The following ADAM7 variants were observed in gnomAD, a reference collection of about 807,000 sequenced individuals.
ADAM7 encodes the protein disintegrin and metalloproteinase domain-containing protein 7.
In ADAM7, 97 loss-of-function variants were observed where a neutral mutation model predicts 102.9. That is an observed-to-expected ratio of 0.94 (90% CI 0.80 to 1.12). The LOEUF (loss-of-function observed/expected upper bound fraction) is 1.12, where lower values mean the gene tolerates loss of function less well. Among genes scored for constraint, ADAM7 ranks in the 50% most tolerant of loss-of-function variants. The pLI is 0.00. For missense variants in ADAM7, 991 were observed against 908.7 expected, an observed-to-expected ratio of 1.09 and a Z score of -1.16; for synonymous variants, 334 against 304.4, an observed-to-expected ratio of 1.10 and a Z score of -1.01.
chr8:24,489,816 T>A (rs1056388220), intron 12 of ADAM7, among the ~76,000 whole-genome samples: 1 of 152,230 alleles, frequency 6.6e-6, no homozygotes, highest in Non-Finnish European at 1.5e-5. Flanking sequence ...CTCTGGAACA[T>A]TTAGGAAAAG....
intron 3 of ADAM7, among the ~76,000 whole-genome samples, chr8:24,455,138 T>C (rs1301514390): frequency 2.0e-5 from 3 of 152,050 alleles, no homozygotes; most frequent in Non-Finnish European, 2.9e-5. Flanking sequence ...TCCCAAAAAG[T>C]TTACTATGAT....
Position 24,499,244 on chromosome 8 carries a change from C to T in ADAM7, c.1851C>T (p.Asn617=). Residue 617 remains asparagine, a synonymous_variant, in exon 17 of 22, where the codon AAC becomes AAT. Transcript: ENST00000175238. ...GGTTACTTCATTTCTAGGTGTGCAA[C>T]AATGGTGAATGTCTAAACATGGAAA... ...GTKCGEGMVC[N]NGECLNMEKV... 6.3e-7 allele frequency: 1 copy of T among 1,593,178 alleles called. No homozygotes were observed. Among genetic ancestry groups the T allele is most frequent in the Non-Finnish European group, 8.5e-7 (1 of 1,171,318 alleles).
chr8:24,449,052 T>C (rs1340514860), intron 3 of ADAM7, among the ~76,000 whole-genome samples: 2 of 152,228 alleles, frequency 1.3e-5, no homozygotes, highest in African/African-American at 4.8e-5. Flanking sequence ...CAGTCTATTA[T>C]TGTTGGACAT....
intron 5 of ADAM7, among the ~76,000 whole-genome samples, chr8:24,466,342 T>C (rs948905429): frequency 1.3e-5 from 2 of 152,234 alleles, no homozygotes; most frequent in African/African-American, 4.8e-5. Context: ...GTTCTGTCTT[T>C]AATTACGGGA....
intron 7 of ADAM7, 130 bp downstream of exon 7, chr8:24,468,950 C>T: frequency 1.3e-6 from 1 of 788,536 alleles, no homozygotes; most frequent in African/African-American, 1.8e-5. Flanking sequence ...TTTAGCTTCC[C>T]AAAACAGACA....
At chr8:24,474,638 CCCAG>C (rs1819710221) in intron 7 of ADAM7, among the ~76,000 whole-genome samples, 1 of 152,038 alleles carries the variant, frequency 6.6e-6, no homozygotes, top group African/African-American at 2.4e-5. Context: ...CACCTGTAAA[CCCAG>C]CACTTTGAGA....
At chr8:24,446,969 A>G (rs1053320922) in intron 2 of ADAM7, among the ~76,000 whole-genome samples, 13 of 151,012 alleles carry the variant, frequency 8.6e-5, no homozygotes, top group Non-Finnish European at 1.6e-4. Context: ...ATATAACTAG[A>G]AGAAATCTAG....
intron 19 of ADAM7, 37 bp downstream of exon 19, chr8:24,500,932 T>C: frequency 2.0e-6 from 3 of 1,517,668 alleles, no homozygotes; most frequent in Non-Finnish European, 2.7e-6. Context: ...AAGAAGGGAA[T>C]TGTTACTGAG....
In ADAM7 at chr8:24,492,501, TAG is replaced by T. The variant is rs536312477; in HGVS notation, c.1564_1565del (p.His523Ter). The T allele has an allele frequency of 3.6e-4, 586 of 1,606,298 alleles. 3 individuals are homozygous for T. In the African/African-American group the frequency reaches 5.9e-3, roughly 16 times the overall value. Reference sequence around the variant, plus strand: ...ATACCATTTTTTACCCCAGAGGCAATAGAGAGTCATGATATCTGCTACAAGAT... The same window carrying T: ...ATACCATTTTTTACCCCAGAGGCAATAGAGTCATGATATCTGCTACAAGAT... On this transcript the variant is annotated frameshift_variant, in exon 15 of 22. Coordinates refer to ENST00000175238, the MANE Select transcript of ADAM7 (RefSeq NM_003817.4). LOFTEE classifies it high-confidence loss of function.
rs143839830 is a variant in ADAM7, at chr8:24,500,838, G to T, written c.2051G>T (p.Gly684Val). The change falls in exon 19 of 22, where the codon GGA becomes GTA. Residue 684 changes from glycine to valine, a missense_variant. By Grantham distance (109) the Gly-to-Val change is moderately radical. Coordinates refer to ENST00000175238, the MANE Select transcript of ADAM7 (RefSeq NM_003817.4). ...VVLVLVIVGI[G>V]VLILLVRYRK... ...CTTGTCCTGGTTATTGTCGGTATCGGAGTTCTTATACTATTAGTTCGTTAC... is the reference window on the plus strand; with the variant it reads ...CTTGTCCTGGTTATTGTCGGTATCGTAGTTCTTATACTATTAGTTCGTTAC... The T allele has an allele frequency of 8.1e-6, 13 of 1,613,264 alleles. No individual in the cohort carries two copies. Among genetic ancestry groups the T allele is most frequent in the Non-Finnish European group, 1.1e-5 (13 of 1,179,542 alleles).
chr8:24,460,437 T>C (rs1819198929), intron 3 of ADAM7, among the ~76,000 whole-genome samples: 1 of 152,074 alleles, frequency 6.6e-6, no homozygotes, highest in African/African-American at 2.4e-5. Flanking sequence ...TGGAATTATT[T>C]CTTTTATGTT....
chr8:24,451,944 A>G (rs1351157526), intron 3 of ADAM7, among the ~76,000 whole-genome samples: 1 of 151,562 alleles, frequency 6.6e-6, no homozygotes, highest in Non-Finnish European at 1.5e-5. Flanking sequence ...TTCAGTTTCC[A>G]TGTAGTTGAG....
At chr8:24,503,139 T>C (rs1283761648) in intron 20 of ADAM7, among the ~76,000 whole-genome samples, 2 of 152,324 alleles carry the variant, frequency 1.3e-5, no homozygotes, top group East Asian at 1.9e-4. Flanking sequence ...TAAAATCATA[T>C]GATCATATCA....
chr8:24,450,311 C>T lies in ADAM7; in HGVS notation c.233+3049C>T, dbSNP rs547390027. 2.6e-5 allele frequency among the ~76,000 whole-genome samples: 4 copies of T among 152,204 alleles called. No individual in the cohort carries two copies. The East Asian group carries it at 7.7e-4, about 29-fold the overall frequency. On this transcript the variant is annotated intron_variant, in intron 3 of 21. Coordinates refer to ENST00000175238, the MANE Select transcript of ADAM7 (RefSeq NM_003817.4). Reference sequence around the variant, plus strand: ...GGAATGTTCTTCCATTTCTTTGTATCCTCTTTTATTTCACTGAGCAATAGT... The same window carrying T: ...GGAATGTTCTTCCATTTCTTTGTATTCTCTTTTATTTCACTGAGCAATAGT...
chr8:24,496,760 C>A (rs1051926587), intron 16 of ADAM7, among the ~76,000 whole-genome samples: 14 of 152,130 alleles, frequency 9.2e-5, no homozygotes, highest in African/African-American at 3.1e-4. Context: ...GCCTGTACCC[C>A]CATTGTGTCC....
At chr8:24,459,800 C>G (rs1819174476) in intron 3 of ADAM7, among the ~76,000 whole-genome samples, 1 of 151,862 alleles carries the variant, frequency 6.6e-6, no homozygotes, top group Non-Finnish European at 1.5e-5. Flanking sequence ...AATTGGTTGT[C>G]TATTTATTTC....
intron 3 of ADAM7, among the ~76,000 whole-genome samples, chr8:24,462,613 G>C (rs13254550): frequency 2.0e-5 from 3 of 151,942 alleles, no homozygotes; most frequent in South Asian, 4.1e-4. Flanking sequence ...CTAGATCCTT[G>C]AGGTACTTTC....
chr8:24,482,024 C>G, intron 8 of ADAM7, 118 bp from the exon 9 acceptor site: 1 of 715,350 alleles, frequency 1.4e-6, no homozygotes, highest in Non-Finnish European at 2.2e-6. Flanking sequence ...GCACTGTTTA[C>G]TAATGTACCT....
intron 11 of ADAM7, among the ~76,000 whole-genome samples, chr8:24,488,645 T>C (rs1482769831): frequency 1.3e-5 from 2 of 152,112 alleles, no homozygotes; most frequent in Non-Finnish European, 2.9e-5. Flanking sequence ...AAAAGGAAGA[T>C]GGAAGGGAGA....
Sources: gnomAD v4.1 joint callset for allele counts (sites outside exome capture counted in the v4.1 genomes callset) on GRCh38, gnomAD v4.1.1 for gene constraint, MANE v1.5 for transcripts, NCBI Gene and HGNC (gene_info 2026-07-23, HGNC 2026-07-21) for gene names.